The following SMARCAL1 variants were observed in gnomAD, a reference collection of about 807,000 sequenced individuals.
SMARCAL1 encodes ATP-driven annealing helicase.
In SMARCAL1, 58 loss-of-function variants were observed where a neutral mutation model predicts 94.5. The observed-to-expected ratio is 0.61, with a 90% CI of 0.50 to 0.76. The LOEUF (loss-of-function observed/expected upper bound fraction) is 0.76, where lower values mean the gene tolerates loss of function less well. Ranked by LOEUF, SMARCAL1 falls within the 30% of genes least tolerant of loss-of-function variation. SMARCAL1 has a pLI of 0.00. For missense variants in SMARCAL1, 1,051 were observed against 1,177.9 expected, an observed-to-expected ratio of 0.89 and a Z score of 1.58; for synonymous variants, 422 against 455.1, an observed-to-expected ratio of 0.93 and a Z score of 0.93.
chr2:216,455,578 C>G (rs925853177), intron 12 of SMARCAL1, among the ~76,000 whole-genome samples: 1 of 152,200 alleles, frequency 6.6e-6, no homozygotes, highest in African/African-American at 2.4e-5. Context: ...CTGCTGATAC[C>G]GAGCCAAACA....
intron 10 of SMARCAL1, among the ~76,000 whole-genome samples, chr2:216,441,267 G>T (rs548986987): frequency 1.1e-3 from 169 of 152,302 alleles, no homozygotes; most frequent in African/African-American, 3.5e-3. Context: ...CAGAGAGAAG[G>T]TGTGTTAGAT....
chr2:216,471,356 A>AT (rs200528251), intron 14 of SMARCAL1, among the ~76,000 whole-genome samples: 12,084 of 143,218 alleles, frequency 0.084, 1,000 homozygotes, highest in East Asian at 0.21. Flanking sequence ...CAGTGATTAA[A>AT]TTTTTTTTTT....
chr2:216,451,193 C>A, intron 12 of SMARCAL1, 129 bp downstream of exon 12: 1 of 766,652 alleles, frequency 1.3e-6, no homozygotes, highest in Non-Finnish European at 2.3e-6. Flanking sequence ...CTTCCCTAGG[C>A]AAGAACAGCA....
intron 4 of SMARCAL1, among the ~76,000 whole-genome samples, chr2:216,417,973 T>C (rs1327126486): frequency 2.0e-5 from 3 of 152,146 alleles, no homozygotes; most frequent in African/African-American, 7.2e-5. Context: ...CAGGCTGGAG[T>C]GCAGTGGTGC....
At chr2:216,422,103 G>A (rs1271513703) in intron 5 of SMARCAL1, among the ~76,000 whole-genome samples, 3 of 152,092 alleles carry the variant, frequency 2.0e-5, no homozygotes, top group Non-Finnish European at 2.9e-5. Flanking sequence ...AGGCAACTAC[G>A]GGCCGGGTGT....
At chr2:216,468,374 C>A (rs1020127309) in intron 14 of SMARCAL1, among the ~76,000 whole-genome samples, 7 of 152,168 alleles carry the variant, frequency 4.6e-5, no homozygotes, top group African/African-American at 1.7e-4. Flanking sequence ...TGTATGGAGA[C>A]AAGTATTTAT....
chr2:216,436,683 G>C (rs1165738648), intron 9 of SMARCAL1, among the ~76,000 whole-genome samples: 3 of 152,228 alleles, frequency 2.0e-5, no homozygotes, highest in Non-Finnish European at 2.9e-5. Flanking sequence ...AACATTCCAA[G>C]AAGTTTCCCA....
chr2:216,459,817 A>G (rs1434982793), intron 12 of SMARCAL1, among the ~76,000 whole-genome samples: 1 of 152,056 alleles, frequency 6.6e-6, no homozygotes, highest in Non-Finnish European at 1.5e-5. Flanking sequence ...ATGGCAACAA[A>G]AGCCAAAATT....
intron 8 of SMARCAL1, 51 bp downstream of exon 8, chr2:216,432,919 T>C: frequency 1.2e-6 from 2 of 1,607,602 alleles, no homozygotes; most frequent in Non-Finnish European, 1.7e-6. Context: ...TCTTCAGTGT[T>C]AGAGTCATAA....
Position 216,482,719 on chromosome 2 carries a change from T to C in SMARCAL1, c.2626-19T>C, listed in dbSNP as rs776368717. The C allele has an allele frequency of 6.8e-6, 11 of 1,614,092 alleles. No individual in the cohort carries two copies. Among genetic ancestry groups the C allele is most frequent in the Non-Finnish European group, 9.3e-6 (11 of 1,180,044 alleles). On this transcript the variant is annotated intron_variant, in intron 17 of 17. Coordinates refer to ENST00000357276, the MANE Select transcript of SMARCAL1 (RefSeq NM_014140.4). This position sits in a 1 kb window ranked among gnomAD's most constrained non-coding sequence, Gnocchi z 4.3. ...CCTGGGCTCTTCCTTTTATCTTTTG[T>C]TTTCTTTCTCTGATGAAGGACCCAA... is the stretch of plus-strand genomic sequence containing the variant.
At chr2:216,455,859 T>G (rs1694553198) in intron 12 of SMARCAL1, among the ~76,000 whole-genome samples, 2 of 152,214 alleles carry the variant, frequency 1.3e-5, no homozygotes, top group Admixed American at 1.3e-4. Flanking sequence ...AGAATGACTT[T>G]GACGAGTTGA....
At chr2:216,438,555 C>A (rs532936101) in intron 10 of SMARCAL1, 70 bp downstream of exon 10, 3 of 1,342,690 alleles carry the variant, frequency 2.2e-6, no homozygotes, top group South Asian at 2.4e-5. Flanking sequence ...GCTTGCATGT[C>A]GTCCTAGTCC....
rs542178225 is a variant in SMARCAL1 at position 216,416,335 on chromosome 2, A to C, written c.862+28A>C. The C allele has an allele frequency of 3.8e-6, 6 of 1,588,518 alleles. No homozygotes were observed. The African/African-American group carries it at 6.7e-5, about 18-fold the overall frequency. The stretch of plus-strand genomic sequence containing the variant: ...AAGTAGACACATGGTTGTCTCATGG[A>C]GGGTGGCACTGGTGCTGAAAATCTT... On this transcript the variant is annotated intron_variant, in intron 4 of 17. Coordinates refer to ENST00000357276, the MANE Select transcript of SMARCAL1 (RefSeq NM_014140.4).
At chr2:216,423,535 A>T in intron 5 of SMARCAL1, 98 bp from the exon 6 acceptor site, 4 of 1,012,470 alleles carry the variant, frequency 4.0e-6, no homozygotes, top group Non-Finnish European at 6.3e-6. Context: ...GTCTAAGCTG[A>T]ATGGAAGTTT....
rs1431465042 is a variant in SMARCAL1 at position 216,432,771 on chromosome 2, G to A, written c.1388G>A (p.Gly463Glu). Residue 463 changes from glycine (G) to glutamate (E), a missense_variant, in exon 8 of 18, where the codon GGG (glycine) becomes GAG (glutamate). Gly to Glu is a moderately conservative substitution (Grantham distance 98, BLOSUM62 -2). Transcript: ENST00000357276. ...RLLLADDMGL[G>E]KTIQAICIAA... ...CTGCTCGCTGACGACATGGGCCTGG[G>A]GAAGACCATCCAAGCCATCTGCATC... 6.2e-7 allele frequency: 1 copy of A among 1,614,212 alleles called. No homozygotes were observed.
chr2:216,430,585 C>T (rs1404531328), intron 7 of SMARCAL1, among the ~76,000 whole-genome samples: 2 of 152,088 alleles, frequency 1.3e-5, no homozygotes, highest in Admixed American at 1.3e-4. Flanking sequence ...CCTCTGTTAT[C>T]CAGGCTTTTT....
At position 216,467,411 on chromosome 2, in the gene SMARCAL1, C is replaced by G. The variant is rs1032802761; in HGVS notation, c.2142-533C>G. ...GCTTGAACCCAGGAGGTGGAGGTTGCAGTGAGCTGAGATTTCAGCACTGCA... is the reference window on the plus strand; with the variant it reads ...GCTTGAACCCAGGAGGTGGAGGTTGGAGTGAGCTGAGATTTCAGCACTGCA... On this transcript the variant is annotated intron_variant, in intron 13 of 17. Coordinates refer to ENST00000357276, the MANE Select transcript of SMARCAL1 (RefSeq NM_014140.4). Among the ~76,000 whole-genome samples the G allele has an allele frequency of 4.2e-5, 6 of 141,330 alleles. No homozygotes were observed. The Admixed American group carries it at 4.6e-4, about 11-fold the overall frequency. 92.7% of individuals were successfully genotyped at this position (141,330 alleles called of 152,430 possible).
At chr2:216,446,875 G>T (rs549763812) in intron 10 of SMARCAL1, 143 bp from the exon 11 acceptor site, 35 of 848,822 alleles carry the variant, frequency 4.1e-5, no homozygotes, top group Non-Finnish European at 5.4e-5. Flanking sequence ...CTAACTGCTT[G>T]CATTGGCAAT....
At chr2:216,456,225 T>C (rs1694564134) in intron 12 of SMARCAL1, among the ~76,000 whole-genome samples, 1 of 152,226 alleles carries the variant, frequency 6.6e-6, no homozygotes, top group Non-Finnish European at 1.5e-5. Context: ...CTGATTGGTG[T>C]ACCTGAAAGT....
Sources: gnomAD v4.1 joint callset for allele counts (sites outside exome capture counted in the v4.1 genomes callset) on GRCh38, gnomAD v4.1.1 for gene constraint, Gnocchi (gnomAD v3.1) non-coding constraint, MANE v1.5 for transcripts, NCBI Gene and HGNC (gene_info 2026-07-23, HGNC 2026-07-21) for gene names.